Variants in ELMO1 observed in about 807,000 individuals in gnomAD.
ELMO1 encodes engulfment and cell motility protein 1.
Under a neutral mutation model 98.9 loss-of-function variants are expected in ELMO1, and 26 were observed. That is an observed-to-expected ratio of 0.26 (90% CI 0.19 to 0.36). ELMO1 has a LOEUF of 0.36. Ranked by LOEUF, ELMO1 falls within the 10% of genes least tolerant of loss-of-function variation. ELMO1 has a pLI of 1.00. For missense variants in ELMO1, 627 were observed against 935.2 expected (o/e 0.67, Z 4.30); for synonymous variants, 346 against 346.0 (o/e 1.00, Z 0.00).
At chr7:37,282,611 C>T (rs369089452) in intron 4 of ELMO1, among the ~76,000 whole-genome samples, 50 of 127,740 alleles carry the variant, frequency 3.9e-4, no homozygotes, top group African/African-American at 1.2e-3. Context: ...AAAATCCAGA[C>T]ACCACCCCCC....
intron 16 of ELMO1, among the ~76,000 whole-genome samples, chr7:36,995,155 T>G (rs141280740): frequency 6.6e-6 from 1 of 152,214 alleles, no homozygotes; most frequent in Non-Finnish European, 1.5e-5. Context: ...AATCACACTA[T>G]GCAGAAGAAA....
chr7:37,410,893 T>C (rs371601390), intron 1 of ELMO1, among the ~76,000 whole-genome samples: 23 of 152,268 alleles, frequency 1.5e-4, no homozygotes, highest in African/African-American at 4.6e-4. Flanking sequence ...CTGTGACACT[T>C]TTTGTCACCC....
intron 14 of ELMO1, among the ~76,000 whole-genome samples, chr7:37,123,089 A>G (rs1786202042): frequency 6.6e-6 from 1 of 151,862 alleles, no homozygotes; most frequent in Non-Finnish European, 1.5e-5. Flanking sequence ...GAAACCAGTG[A>G]GAACAAAGAC....
At chr7:36,869,985 A>G (rs1803374132) in intron 20 of ELMO1, among the ~76,000 whole-genome samples, 1 of 152,218 alleles carries the variant, frequency 6.6e-6, no homozygotes, top group African/African-American at 2.4e-5. Context: ...GGATATTAAG[A>G]GCATGATTAC....
chr7:37,099,952 G>A (rs1368907769), intron 14 of ELMO1, among the ~76,000 whole-genome samples: 1 of 151,790 alleles, frequency 6.6e-6, no homozygotes, highest in Non-Finnish European at 1.5e-5. Flanking sequence ...TCCTGCCTCA[G>A]CCTCCTGAGT....
chr7:36,935,740 A>G (rs917461480), intron 16 of ELMO1, among the ~76,000 whole-genome samples: 7 of 152,180 alleles, frequency 4.6e-5, no homozygotes, highest in Admixed American at 2.0e-4. Flanking sequence ...GCCATTTCTA[A>G]TAAGCTAAGA....
At chr7:37,230,787 C>T (rs1161061003) in intron 8 of ELMO1, among the ~76,000 whole-genome samples, 1 of 151,996 alleles carries the variant, frequency 6.6e-6, no homozygotes, top group African/African-American at 2.4e-5. Flanking sequence ...CAATGATACT[C>T]ACTATCTTCA....
chr7:36,876,698 C>T (rs1804015697), intron 19 of ELMO1, among the ~76,000 whole-genome samples: 1 of 152,072 alleles, frequency 6.6e-6, no homozygotes, highest in Non-Finnish European at 1.5e-5. Flanking sequence ...CTAGCTTGGC[C>T]AAGGTGGGGT....
At chr7:37,077,288 C>T (rs1426743765) in intron 15 of ELMO1, among the ~76,000 whole-genome samples, 2 of 152,280 alleles carry the variant, frequency 1.3e-5, no homozygotes, top group South Asian at 2.1e-4. Context: ...GGGAGCTGTG[C>T]CCTCAGGGAG....
At chr7:37,039,877 A>G (rs560759374) in intron 15 of ELMO1, among the ~76,000 whole-genome samples, 1 of 152,356 alleles carries the variant, frequency 6.6e-6, no homozygotes, top group African/African-American at 2.4e-5. Flanking sequence ...GAATAATTAA[A>G]AAGTGCAAAG....
intron 1 of ELMO1, among the ~76,000 whole-genome samples, chr7:37,387,198 A>G (rs1386048648): frequency 6.6e-6 from 1 of 152,260 alleles, no homozygotes; most frequent in East Asian, 1.9e-4. Flanking sequence ...CTGAGGTACT[A>G]AACTCAACCC....
intron 15 of ELMO1, among the ~76,000 whole-genome samples, chr7:37,041,297 C>A (rs17150849): frequency 0.018 from 2,725 of 152,224 alleles, 94 homozygotes; most frequent in African/African-American, 0.063. Flanking sequence ...GATCATTTGT[C>A]ATTTTATAGC....
chr7:37,409,868 T>C (rs1803923353), intron 1 of ELMO1, among the ~76,000 whole-genome samples: 1 of 152,210 alleles, frequency 6.6e-6, no homozygotes, highest in South Asian at 2.1e-4. Flanking sequence ...CACAGGGATA[T>C]TGTAAGATCA....
intron 5 of ELMO1, among the ~76,000 whole-genome samples, chr7:37,259,826 T>A (rs1044124425): frequency 2.6e-5 from 4 of 152,210 alleles, no homozygotes; most frequent in African/African-American, 9.6e-5. Context: ...TTCGGGAGCT[T>A]CATTAGCCAC....
chr7:36,917,385 T>C (rs1784786976), intron 16 of ELMO1, among the ~76,000 whole-genome samples: 1 of 152,156 alleles, frequency 6.6e-6, no homozygotes, highest in Admixed American at 6.5e-5. Context: ...TGATAAATAG[T>C]CAAATTATAA....
At chr7:37,357,327 G>A (rs1801533536) in intron 1 of ELMO1, among the ~76,000 whole-genome samples, 1 of 152,150 alleles carries the variant, frequency 6.6e-6, no homozygotes, top group Non-Finnish European at 1.5e-5. Context: ...TGGCCCATAT[G>A]ATGGTTGAAC....
At chr7:37,266,174 C>T (rs1043599400) in intron 5 of ELMO1, among the ~76,000 whole-genome samples, 1 of 151,932 alleles carries the variant, frequency 6.6e-6, no homozygotes, top group Non-Finnish European at 1.5e-5. Flanking sequence ...GAGAGTGATG[C>T]CAATAAATAG....
chr7:37,336,480 A>G (rs966476397), intron 2 of ELMO1, among the ~76,000 whole-genome samples: 2 of 152,204 alleles, frequency 1.3e-5, no homozygotes, highest in African/African-American at 4.8e-5. Flanking sequence ...CAGAGGTGAA[A>G]CTTTAACGTC....
At position 36,958,856 on chromosome 7, in the gene ELMO1, G is replaced by A. The variant is rs182204537; in HGVS notation, c.1437+54443C>T. Among the ~76,000 whole-genome samples, 4 of 151,694 alleles carry A rather than the reference G, an allele frequency of 2.6e-5. No individual in the cohort carries two copies. The East Asian group carries it at 7.7e-4, about 29-fold the overall frequency. On this transcript the variant is annotated intron_variant, in intron 16 of 21. Transcript: ENST00000310758. ...TCTCCACTCACTCCCTAGGTGATCT[G>A]ATCTAGTATCAATTATGTGTGAACA... is the stretch of plus-strand genomic sequence containing the variant.
Sources: allele counts gnomAD v4.1 joint callset (sites outside exome capture counted in the v4.1 genomes callset), GRCh38; gene constraint gnomAD v4.1.1; transcripts MANE v1.5; gene names NCBI Gene and HGNC (gene_info 2026-07-23, HGNC 2026-07-21).